The following ATP10A variants were observed in gnomAD, a reference collection of about 807,000 sequenced individuals.
The protein encoded by ATP10A is phospholipid-transporting ATPase VA.
A neutral mutation model predicts 147.8 loss-of-function variants in ATP10A; 111 were observed. That is an observed-to-expected ratio of 0.75 (90% CI 0.64 to 0.88). The LOEUF (loss-of-function observed/expected upper bound fraction) is 0.88, where lower values mean the gene tolerates loss of function less well. ATP10A is among the 40% of genes least tolerant of loss of function. The pLI, the probability that ATP10A is intolerant of heterozygous loss-of-function variation, is 0.00. For missense variants in ATP10A, 1,927 were observed against 1,959.0 expected, an observed-to-expected ratio of 0.98 and a Z score of 0.31; for synonymous variants, 875 against 841.6, an observed-to-expected ratio of 1.04 and a Z score of -0.69.
intron 6 of ATP10A, among the ~76,000 whole-genome samples, chr15:25,723,115 G>A (rs979728641): frequency 1.3e-5 from 2 of 152,118 alleles, no homozygotes; most frequent in Non-Finnish European, 2.9e-5. Flanking sequence ...TTGGGAGACC[G>A]AGGTGGGTGG....
intron 1 of ATP10A, among the ~76,000 whole-genome samples, chr15:25,832,453 C>A (rs1255908181): frequency 6.6e-6 from 1 of 152,172 alleles, no homozygotes; most frequent in African/African-American, 2.4e-5. Flanking sequence ...AAAGATCTGT[C>A]ATGTTCTGGA....
At chr15:25,779,757 C>T (rs1362285166) in intron 2 of ATP10A, among the ~76,000 whole-genome samples, 1 of 152,082 alleles carries the variant, frequency 6.6e-6, no homozygotes, top group East Asian at 1.9e-4. Flanking sequence ...ACAAAAAATA[C>T]TATTTTTAAT....
chr15:25,787,856 A>G (rs79592284), intron 1 of ATP10A, among the ~76,000 whole-genome samples: 11,515 of 152,052 alleles, frequency 0.076, 601 homozygotes, highest in African/African-American at 0.14. Context: ...GCCTGCATAG[A>G]TGAGGGATGA....
intron 1 of ATP10A, among the ~76,000 whole-genome samples, chr15:25,835,732 A>C (rs1297600469): frequency 1.3e-5 from 2 of 152,204 alleles, no homozygotes; most frequent in Non-Finnish European, 2.9e-5. Context: ...CCCGGGCTCA[A>C]GCGGTCCTCC....
chr15:25,777,782 C>CT (rs11424373), intron 2 of ATP10A, among the ~76,000 whole-genome samples: 44,840 of 139,986 alleles, frequency 0.32, 8,456 homozygotes, highest in East Asian at 0.53. Context: ...TTCTTTCTTT[C>CT]TTTTTTTTTT....
chr15:25,726,190 T>C, intron 4 of ATP10A, 108 bp from the exon 5 acceptor site: 1 of 1,309,276 alleles, frequency 7.6e-7, no homozygotes. Context: ...GGTGCTTAGG[T>C]GAGAAGCTTG....
Position 25,687,724 on chromosome 15 carries a change from C to T in ATP10A, c.3270G>A (p.Leu1090=), listed in dbSNP as rs756566871. 2 of 1,605,258 alleles carry T rather than the reference C, an allele frequency of 1.2e-6. No homozygotes were observed. The highest frequency in any genetic ancestry group is 3.4e-5 in the Admixed American group (2 of 59,552). Residue 1090 remains leucine, a synonymous_variant, in exon 16 of 21, where the codon CTG becomes CTA. Coordinates refer to ENST00000555815, the MANE Select transcript of ATP10A (RefSeq NM_024490.4). ...CTACTGTGTTTTTGTAGAAGAAGTA[C>T]AGCACCATGTTGGCAAGTCGGGAGT... The part of the protein sequence containing the change: ...WCYSRLANMV[L]YFFYKNTMFV...
chr15:25,681,154 C>G, intron 17 of ATP10A, 80 bp from the exon 18 acceptor site: 1 of 1,419,898 alleles, frequency 7.0e-7, no homozygotes, highest in South Asian at 1.3e-5. Flanking sequence ...AAAATGGAGT[C>G]ACTTGTGTTA....
chr15:25,836,872 C>G (rs1306683142), intron 1 of ATP10A, among the ~76,000 whole-genome samples: 2 of 152,202 alleles, frequency 1.3e-5, no homozygotes, highest in Admixed American at 1.3e-4. Context: ...TCTCCCTGGC[C>G]TGCAAGTCTC....
In ATP10A at chr15:25,714,152, GC is replaced by G; in HGVS notation, c.1865del (p.Cys622SerfsTer131). 6.2e-7 allele frequency: 1 copy of G among 1,610,944 alleles called. No individual in the cohort carries two copies. On this transcript the variant is annotated frameshift_variant, in exon 10 of 21. Transcript: ENST00000555815. LOFTEE classifies it high-confidence loss of function. The part of the protein sequence containing the change: ...RFTPSCLTSG[C>X]SSIGSLAANK... The stretch of plus-strand genomic sequence containing the variant: ...TGGCGGCCAGGCTCCCGATGCTGCT[GC>G]AGCCTGAGGTCAGGCAGCTGGGTGT...
Position 25,814,740 on chromosome 15 carries a change from C to G in ATP10A, c.450-33517G>C, listed in dbSNP as rs182853419. On this transcript the variant is annotated intron_variant, in intron 1 of 20. Transcript: ENST00000555815. ...AGTTAACTTAAGCTACCGTGCATTG[C>G]CCTTGGAACCGTTCTGTCTCATTTG... Among the ~76,000 whole-genome samples the G allele has an allele frequency of 7.9e-3, 1,210 of 152,254 alleles. 7 individuals are homozygous for G. The highest frequency in any genetic ancestry group is 0.013 in the Non-Finnish European group (854 of 68,010).
At chr15:25,720,348 A>T (rs982015240) in intron 7 of ATP10A, among the ~76,000 whole-genome samples, 59 of 152,256 alleles carry the variant, frequency 3.9e-4, no homozygotes, top group African/African-American at 1.3e-3. Flanking sequence ...AGTCGTTTTG[A>T]AATGTGTAAT....
Position 25,696,271 on chromosome 15 carries a change from G to A in ATP10A, c.2761-1125C>T, listed in dbSNP as rs73361177. On this transcript the variant is annotated intron_variant, in intron 13 of 20. Coordinates refer to ENST00000555815, the MANE Select transcript of ATP10A (RefSeq NM_024490.4). Reference sequence around the variant, plus strand: ...AGACTGAAAAGACACAGTTACTGCCGTAGGGGGAACAGACAGCTGATGCAC... The same window carrying A: ...AGACTGAAAAGACACAGTTACTGCCATAGGGGGAACAGACAGCTGATGCAC... Among the ~76,000 whole-genome samples the A allele has an allele frequency of 6.4e-3, 968 of 152,336 alleles. 11 individuals are homozygous for A. Among genetic ancestry groups the A allele is most frequent in the African/African-American group, 0.021 (886 of 41,582 alleles).
intron 1 of ATP10A, among the ~76,000 whole-genome samples, chr15:25,851,833 G>A (rs1893312673): frequency 6.6e-6 from 1 of 152,156 alleles, no homozygotes; most frequent in Admixed American, 6.5e-5. Flanking sequence ...GGGAGCTGAG[G>A]TGGGATGATT....
chr15:25,727,371 G>A (rs1902644272), intron 3 of ATP10A, 105 bp from the exon 4 acceptor site: 1 of 1,026,564 alleles, frequency 9.7e-7, no homozygotes, highest in African/African-American at 1.6e-5. Context: ...TGAAAGCTTG[G>A]GGCCGCTGGG....
At chr15:25,818,469 C>T (rs868138083) in intron 1 of ATP10A, among the ~76,000 whole-genome samples, 10 of 152,130 alleles carry the variant, frequency 6.6e-5, no homozygotes, top group South Asian at 4.1e-4. Context: ...ACATGGAAAA[C>T]ATTCCATGTT....
intron 1 of ATP10A, among the ~76,000 whole-genome samples, chr15:25,807,131 G>C (rs763015186): frequency 6.6e-6 from 1 of 152,218 alleles, no homozygotes; most frequent in African/African-American, 2.4e-5. Context: ...GTGAGATGAG[G>C]AAAACATCCT....
intron 10 of ATP10A, chr15:25,710,819 T>C (rs2140378766): frequency 6.6e-6 from 1 of 152,290 alleles, no homozygotes; most frequent in East Asian, 1.9e-4. Flanking sequence ...GCCTGAGGTT[T>C]ACACCTTAAA....
At chr15:25,764,145 G>A (rs990251685) in intron 2 of ATP10A, among the ~76,000 whole-genome samples, 1 of 152,116 alleles carries the variant, frequency 6.6e-6, no homozygotes, top group Non-Finnish European at 1.5e-5. Flanking sequence ...GGCAGGGCCT[G>A]GGACTCTGCA....
Sources: allele counts gnomAD v4.1 joint callset (sites outside exome capture counted in the v4.1 genomes callset), GRCh38; gene constraint gnomAD v4.1.1; transcripts MANE v1.5; gene names NCBI Gene and HGNC (gene_info 2026-07-23, HGNC 2026-07-21).